The following ELAVL4 variants were observed in gnomAD, a reference collection of about 807,000 sequenced individuals.
The protein encoded by ELAVL4 is ELAV-like protein 4.
In ELAVL4, 1 loss-of-function variant was observed where a neutral mutation model predicts 35.6. The observed-to-expected ratio is 0.03, with a 90% CI of 0.01 to 0.13. ELAVL4 has a LOEUF of 0.13. Ranked by LOEUF, ELAVL4 falls within the 10% of genes least tolerant of loss-of-function variation. The probability of loss-of-function intolerance (pLI) is 1.00; values close to 1 mark genes in which losing one functional copy is unlikely to be tolerated. For synonymous variants in ELAVL4, 156 were observed against 171.0 expected (o/e 0.91, Z 0.69); for missense variants, 267 against 464.9 (o/e 0.57, Z 3.91).
intron 1 of ELAVL4, among the ~76,000 whole-genome samples, chr1:50,087,187 A>G (rs1333517543): frequency 6.6e-6 from 1 of 152,232 alleles, no homozygotes; most frequent in East Asian, 1.9e-4. Context: ...TGGATCCCCA[A>G]AACAGCCAAC....
At chr1:50,110,195 C>A (rs918227708) in intron 1 of ELAVL4, among the ~76,000 whole-genome samples, 1 of 152,202 alleles carries the variant, frequency 6.6e-6, no homozygotes, top group African/African-American at 2.4e-5. Context: ...CACACACTGC[C>A]TCTTCCAGCA....
chr1:50,050,274 A>T (rs894228340), intron 1 of ELAVL4, among the ~76,000 whole-genome samples: 1 of 152,204 alleles, frequency 6.6e-6, no homozygotes, highest in Non-Finnish European at 1.5e-5. Context: ...AGCTATTACC[A>T]CCATTGCTAC....
At chr1:50,052,648 T>C (rs1291237672) in intron 1 of ELAVL4, among the ~76,000 whole-genome samples, 1 of 152,214 alleles carries the variant, frequency 6.6e-6, no homozygotes, top group Non-Finnish European at 1.5e-5. Context: ...TTTCCACATA[T>C]TCAAACCATG....
At chr1:50,048,260 T>C in intron 1 of ELAVL4, 1 of 1,415,210 alleles carries the variant, frequency 7.1e-7, no homozygotes, top group Non-Finnish European at 9.3e-7. Flanking sequence ...GGCCACGTGG[T>C]CGCGACTGGC....
At chr1:50,110,263 A>T (rs1032402693) in intron 1 of ELAVL4, among the ~76,000 whole-genome samples, 1 of 152,110 alleles carries the variant, frequency 6.6e-6, no homozygotes, top group Non-Finnish European at 1.5e-5. Context: ...TGTCACCGTC[A>T]CTGTTGGCTG....
At chr1:50,152,011 CA>C (rs946938794) in intron 2 of ELAVL4, among the ~76,000 whole-genome samples, 7 of 150,460 alleles carry the variant, frequency 4.7e-5, no homozygotes, top group African/African-American at 1.5e-4. Flanking sequence ...ACACACTCAT[CA>C]GGGGGAATCA....
chr1:50,102,628 G>A (rs1330589304), upstream of ELAVL4, among the ~76,000 whole-genome samples: 1 of 152,030 alleles, frequency 6.6e-6, no homozygotes, highest in Non-Finnish European at 1.5e-5. Flanking sequence ...TCCTTTAATG[G>A]TATGAATAGC....
chr1:50,173,074 A>G (rs186833133), intron 2 of ELAVL4, among the ~76,000 whole-genome samples: 1 of 152,196 alleles, frequency 6.6e-6, no homozygotes, highest in East Asian at 1.9e-4. Flanking sequence ...GCTTTCAGTA[A>G]TGGAGGACTG....
intron 1 of ELAVL4, among the ~76,000 whole-genome samples, chr1:50,078,974 A>G (rs1052201872): frequency 1.3e-5 from 2 of 152,212 alleles, no homozygotes; most frequent in African/African-American, 4.8e-5. Context: ...AGTACCATCC[A>G]TTAAATACCA....
chr1:50,095,365 T>C (rs979262034), intron 1 of ELAVL4, among the ~76,000 whole-genome samples: 1 of 152,104 alleles, frequency 6.6e-6, no homozygotes, highest in Non-Finnish European at 1.5e-5. Flanking sequence ...CACTGTTCTA[T>C]TTGTTTATAT....
intron 2 of ELAVL4, among the ~76,000 whole-genome samples, chr1:50,153,707 T>C (rs1675213247): frequency 6.6e-6 from 1 of 152,226 alleles, no homozygotes; most frequent in African/African-American, 2.4e-5. Context: ...TGAATGTTTA[T>C]GTCCCCGCAA....
Position 50,146,248 on chromosome 1 carries a change from G to A in ELAVL4, c.250+1051G>A, listed in dbSNP as rs114541901. On this transcript the variant is annotated intron_variant, in intron 2 of 6. Coordinates refer to ENST00000371824, the MANE Select transcript of ELAVL4 (RefSeq NM_001144774.3). ...GAGAATACATTCTATATGTGTGTGT[G>A]TAGATATATACATTCTTCTGTTCTC... Among the ~76,000 whole-genome samples, 707 of 151,976 alleles carry A rather than the reference G, an allele frequency of 4.7e-3. 6 individuals are homozygous for A. Among genetic ancestry groups the A allele is most frequent in the African/African-American group, 0.015 (623 of 41,430 alleles).
rs975719877 is a variant in ELAVL4, at chr1:50,198,105, C to T, written c.773+638C>T. 6.6e-5 allele frequency among the ~76,000 whole-genome samples: 10 copies of T among 152,146 alleles called. No individual in the cohort carries two copies. The East Asian group carries it at 7.7e-4, about 12-fold the overall frequency. On this transcript the variant is annotated intron_variant, in intron 6 of 6. Transcript: ENST00000371824. ...CAGGTTTTAACAGTTCTTATAAATC[C>T]TCCCTTGGTTATATGTTATGTGTGT...
At chr1:50,086,587 A>G (rs1234404577) in intron 1 of ELAVL4, among the ~76,000 whole-genome samples, 2 of 151,732 alleles carry the variant, frequency 1.3e-5, no homozygotes, top group Admixed American at 1.3e-4. Flanking sequence ...GGCTTAAGAG[A>G]TCTTGGGAAT....
intron 3 of ELAVL4, among the ~76,000 whole-genome samples, chr1:50,192,914 C>T (rs563983338): frequency 6.6e-6 from 1 of 152,286 alleles, no homozygotes; most frequent in South Asian, 2.1e-4. Flanking sequence ...AATTTCAGAT[C>T]TGTTTACACT....
chr1:50,070,517 C>T (rs548970016), intron 1 of ELAVL4, among the ~76,000 whole-genome samples: 15 of 152,212 alleles, frequency 9.9e-5, no homozygotes, highest in South Asian at 2.1e-4. Flanking sequence ...CCAAGGCGGG[C>T]GGATCATGAG....
At chr1:50,187,960 TGGCGC>T (rs780535537) in intron 3 of ELAVL4, among the ~76,000 whole-genome samples, 38 of 152,302 alleles carry the variant, frequency 2.5e-4, no homozygotes, top group Non-Finnish European at 4.6e-4. Context: ...CTGGGCATGG[TGGCGC>T]ATGCCTGTAA....
At chr1:50,062,604 T>A (rs1300406139) in intron 1 of ELAVL4, among the ~76,000 whole-genome samples, 1 of 152,152 alleles carries the variant, frequency 6.6e-6, no homozygotes, top group Admixed American at 6.5e-5. Context: ...GTTTGTTGAA[T>A]CAATGAATGA....
At chr1:50,121,344 A>G (rs1035465432) in intron 1 of ELAVL4, among the ~76,000 whole-genome samples, 3 of 152,036 alleles carry the variant, frequency 2.0e-5, no homozygotes, top group African/African-American at 7.2e-5. Context: ...TAATATTAGT[A>G]AGTTACTAGA....
Sources: allele counts gnomAD v4.1 joint callset (sites outside exome capture counted in the v4.1 genomes callset), GRCh38; gene constraint gnomAD v4.1.1; transcripts MANE v1.5; gene names NCBI Gene and HGNC (gene_info 2026-07-23, HGNC 2026-07-21).